Variants in DAB1 observed in about 807,000 individuals in gnomAD.
DAB1 encodes DAB adaptor protein 1.
DAB1 carries 15 observed loss-of-function variants against 64.6 expected under a neutral mutation model. That is an observed-to-expected ratio of 0.23 (90% CI 0.16 to 0.36). The LOEUF (loss-of-function observed/expected upper bound fraction) is 0.36. Among genes scored for constraint, DAB1 ranks in the 10% least tolerant of loss-of-function variants. DAB1 has a pLI of 1.00. For missense variants in DAB1, 596 were observed against 706.7 expected (o/e 0.84, Z 1.78); for synonymous variants, 235 against 251.9 (o/e 0.93, Z 0.64).
At chr1:57,884,316 G>C (rs1644191127), upstream of DAB1, among the ~76,000 whole-genome samples, 1 of 152,142 alleles carries the variant, frequency 6.6e-6, no homozygotes, top group Admixed American at 6.5e-5. Flanking sequence ...GGTGGTCATG[G>C]GGCACAGAGA....
chr1:57,663,721 G>T (rs186597779), intron 6 of DAB1, among the ~76,000 whole-genome samples: 2 of 151,978 alleles, frequency 1.3e-5, no homozygotes, highest in African/African-American at 4.8e-5. Flanking sequence ...CACCACTGGG[G>T]TTAATTTATA....
chr1:57,122,698 C>T (rs1349786468), intron 4 of DAB1, among the ~76,000 whole-genome samples: 1 of 152,134 alleles, frequency 6.6e-6, no homozygotes, highest in East Asian at 1.9e-4. Flanking sequence ...TAAATTTGGA[C>T]AGAATCTGGG....
chr1:57,703,798 A>G (rs149106256), intron 6 of DAB1, among the ~76,000 whole-genome samples: 2,659 of 152,332 alleles, frequency 0.017, 34 homozygotes, highest in Non-Finnish European at 0.027. Context: ...ATGCCCATCA[A>G]TAATAGACTG....
intron 8 of DAB1, 142 bp from the exon 9 acceptor site, chr1:57,063,085 T>C: frequency 1.5e-6 from 1 of 681,180 alleles, no homozygotes; most frequent in Non-Finnish European, 2.6e-6. Context: ...CCTGCTCTAA[T>C]TGTGAAAGTA....
downstream of DAB1, among the ~76,000 whole-genome samples, chr1:57,825,300 C>G (rs1012373711): frequency 6.6e-6 from 1 of 152,140 alleles, no homozygotes; most frequent in African/African-American, 2.4e-5. Context: ...ATTTTGGATG[C>G]CCAAGAGCAA....
At chr1:58,172,621 C>T (rs1001803935) in intron 4 of DAB1, among the ~76,000 whole-genome samples, 4 of 152,160 alleles carry the variant, frequency 2.6e-5, no homozygotes, top group African/African-American at 4.8e-5. Context: ...AGACTTATGC[C>T]GCCCGAGATG....
intron 3 of DAB1, among the ~76,000 whole-genome samples, chr1:58,495,210 A>T (rs975999266): frequency 2.0e-5 from 3 of 152,172 alleles, no homozygotes; most frequent in African/African-American, 7.2e-5. Flanking sequence ...ATAGGTGGGA[A>T]CAGAACAATG....
At chr1:58,414,598 T>C (rs1165436654) in intron 3 of DAB1, among the ~76,000 whole-genome samples, 3 of 152,196 alleles carry the variant, frequency 2.0e-5, no homozygotes, top group Admixed American at 2.0e-4. Context: ...GAACCATATG[T>C]AAGCAATAAT....
intron 5 of DAB1, among the ~76,000 whole-genome samples, chr1:58,017,077 C>T (rs554540234): frequency 6.0e-4 from 92 of 152,136 alleles, no homozygotes; most frequent in South Asian, 4.4e-3. Context: ...TAATGGGAGG[C>T]ATATCTGTCC....
intron 5 of DAB1, among the ~76,000 whole-genome samples, chr1:58,022,307 C>T (rs1213042838): frequency 6.6e-6 from 1 of 152,160 alleles, no homozygotes; most frequent in Non-Finnish European, 1.5e-5. Context: ...TCTCAGTATG[C>T]AAGACAGAAA....
chr1:58,453,215 G>C (rs1645159065), intron 3 of DAB1, among the ~76,000 whole-genome samples: 1 of 152,076 alleles, frequency 6.6e-6, no homozygotes, highest in Non-Finnish European at 1.5e-5. Flanking sequence ...ATCACCGGGG[G>C]GTAGAGGTGG....
chr1:57,524,650 T>C (rs1644569924), intron 7 of DAB1, among the ~76,000 whole-genome samples: 1 of 152,196 alleles, frequency 6.6e-6, no homozygotes, highest in Non-Finnish European at 1.5e-5. Flanking sequence ...TGGGGGAAAT[T>C]ATAAAGAACC....
At chr1:57,666,099 A>T (rs1179827935) in intron 6 of DAB1, among the ~76,000 whole-genome samples, 2 of 152,182 alleles carry the variant, frequency 1.3e-5, no homozygotes, top group Non-Finnish European at 2.9e-5. Flanking sequence ...TAGAGGAAAA[A>T]CAAAGCAATA....
At chr1:58,523,988 G>A (rs982528242) in intron 2 of DAB1, among the ~76,000 whole-genome samples, 3 of 152,198 alleles carry the variant, frequency 2.0e-5, no homozygotes, top group Admixed American at 6.5e-5. Flanking sequence ...TCCAGAAAAA[G>A]CGTTCTCATT....
chr1:57,105,582 A>T (rs1384428760), intron 4 of DAB1, among the ~76,000 whole-genome samples: 2 of 152,132 alleles, frequency 1.3e-5, no homozygotes, highest in African/African-American at 4.8e-5. Flanking sequence ...AGATCTAAGG[A>T]TTCAACTCAC....
intron 3 of DAB1, among the ~76,000 whole-genome samples, chr1:58,423,506 C>A (rs1049062503): frequency 2.0e-5 from 3 of 152,232 alleles, no homozygotes; most frequent in Admixed American, 6.5e-5. Context: ...CACTTGCCAA[C>A]CGCACCGTCT....
intron 7 of DAB1, among the ~76,000 whole-genome samples, chr1:57,465,179 C>T (rs756054977): frequency 3.9e-5 from 6 of 152,110 alleles, no homozygotes; most frequent in African/African-American, 7.2e-5. Flanking sequence ...AGATTAAATA[C>T]GGAAAAATTC....
intron 1 of DAB1, chr1:58,538,922 G>C: frequency 1.1e-6 from 1 of 872,878 alleles, no homozygotes; most frequent in East Asian, 2.4e-5. Context: ...GCAGGGCTTA[G>C]AGGATGCAAT....
chr1:57,280,850 C>A, intron 2 of DAB1, among the ~76,000 whole-genome samples: 1 of 152,040 alleles, frequency 6.6e-6, no homozygotes, highest in East Asian at 1.9e-4. Context: ...AAATAATTCT[C>A]CCCCACATTA....
Sources: gnomAD v4.1 joint callset for allele counts (sites outside exome capture counted in the v4.1 genomes callset) on GRCh38, gnomAD v4.1.1 for gene constraint, MANE v1.5 for transcripts, NCBI Gene and HGNC (gene_info 2026-07-23, HGNC 2026-07-21) for gene names.